TRIOBP: variants seen among roughly 807,000 people sequenced by gnomAD.
TRIOBP encodes the protein TRIO and F-actin binding protein, also known as TRIO and F-actin-binding protein.
A neutral mutation model predicts 238.8 loss-of-function variants in TRIOBP; 169 were observed. The observed-to-expected ratio is 0.71, with a 90% CI of 0.62 to 0.80. The LOEUF (loss-of-function observed/expected upper bound fraction) is 0.80, where lower values mean the gene tolerates loss of function less well. TRIOBP is among the 30% of genes least tolerant of loss of function. The pLI is 0.00. For synonymous variants in TRIOBP, 1,150 were observed against 1,274.4 expected (o/e 0.90, Z 2.08); for missense variants, 2,838 against 3,122.6 (o/e 0.91, Z 2.17).
intron 14 of TRIOBP, 110 bp downstream of exon 14, chr22:37,755,300 C>G: frequency 1.1e-5 from 13 of 1,186,794 alleles, no homozygotes; most frequent in Non-Finnish European, 1.6e-5. Flanking sequence ...TCCCTTCACT[C>G]ATTTACCCAG....
chr22:37,741,855 T>C (rs1354096553), intron 11 of TRIOBP, among the ~76,000 whole-genome samples: 2 of 152,218 alleles, frequency 1.3e-5, no homozygotes. Flanking sequence ...TAGGAAAAAG[T>C]CTGTGGAGAC....
Position 37,755,096 on chromosome 22 carries a change from T to C in TRIOBP, c.5488-5T>C. 1 of 1,613,450 alleles carries C rather than the reference T, an allele frequency of 6.2e-7. No homozygotes were observed. Among genetic ancestry groups the C allele is most frequent in the Admixed American group, 1.7e-5 (1 of 59,948 alleles). ...CACGGACCATAGTGGGCCCTCTTGC[T>C]CCAGGCAGATGAGCTGGATGGTGAG... On this transcript the variant is annotated splice_polypyrimidine_tract_variant and splice_region_variant and intron_variant, in intron 13 of 23. Coordinates refer to ENST00000644935, the MANE Select transcript of TRIOBP (RefSeq NM_001039141.3).
chr22:37,743,532 C>A (rs1453003939), intron 11 of TRIOBP, among the ~76,000 whole-genome samples: 1 of 152,176 alleles, frequency 6.6e-6, no homozygotes, highest in African/African-American at 2.4e-5. Flanking sequence ...GTGCTGTGGG[C>A]TTAGGCCCTA....
intron 18 of TRIOBP, among the ~76,000 whole-genome samples, chr22:37,767,316 G>A (rs1460551721): frequency 3.9e-5 from 5 of 127,870 alleles, no homozygotes; most frequent in African/African-American, 9.1e-5. Context: ...AAAAAAAAAA[G>A]AAAGAAAAAA....
chr22:37,731,620 C>T (rs13058068), intron 7 of TRIOBP, among the ~76,000 whole-genome samples: 36,870 of 151,788 alleles, frequency 0.24, 5,396 homozygotes, highest in South Asian at 0.41. Flanking sequence ...CCACGCCTGG[C>T]TAAGTTTTGT....
At chr22:37,765,568 A>G (rs1926443507) in intron 17 of TRIOBP, 102 bp from the exon 18 acceptor site, 1 of 1,473,510 alleles carries the variant, frequency 6.8e-7, no homozygotes, top group South Asian at 1.2e-5. Flanking sequence ...ACCCAGGAGG[A>G]GGTGGTGTAC....
chr22:37,713,325 G>T lies in TRIOBP; in HGVS notation c.370G>T (p.Gly124Cys). ...GGAGGGCCTGACCACTTCCTTGTGT[G>T]GCAGCTGCAACGAGGACCCCGGCTC... ...YLEGLTTSLC[G>C]SCNEDPGSDP... The change falls in exon 5 of 24, where the codon GGC (glycine) becomes TGC (cysteine). Residue 124 changes from glycine to cysteine, a missense_variant. Gly to Cys is a radical substitution (Grantham distance 159). Coordinates refer to ENST00000644935, the MANE Select transcript of TRIOBP (RefSeq NM_001039141.3). The T allele has an allele frequency of 6.2e-7, 1 of 1,614,040 alleles. No individual in the cohort carries two copies. Among genetic ancestry groups the T allele is most frequent in the Non-Finnish European group, 8.5e-7 (1 of 1,179,956 alleles).
At chr22:37,726,624 G>A in intron 7 of TRIOBP, 121 bp downstream of exon 7, 1 of 1,071,836 alleles carries the variant, frequency 9.3e-7, no homozygotes, top group Non-Finnish European at 1.3e-6. Flanking sequence ...TTTACCGGCT[G>A]TGTGACCTTG....
chr22:37,772,010 G>A (rs1483598694), intron 22 of TRIOBP: 15 of 512,834 alleles, frequency 2.9e-5, no homozygotes, highest in Non-Finnish European at 4.8e-5. Flanking sequence ...TATATCCTGG[G>A]CACTGTGCTA....
rs1925620351 is a variant in TRIOBP, at chr22:37,751,787, T to G, written c.5338T>G (p.Phe1780Val). The G allele has an allele frequency of 6.2e-7, 1 of 1,613,952 alleles. No homozygotes were observed. Among genetic ancestry groups the G allele is most frequent in the African/African-American group, 1.3e-5 (1 of 74,886 alleles). Reference sequence around the variant, plus strand: ...CTCCCCACAGCCCGATCTGCTCAACTTCAAGAAGGGATGGATGTCGATCTT... The same window carrying G: ...CTCCCCACAGCCCGATCTGCTCAACGTCAAGAAGGGATGGATGTCGATCTT... ...LRWRRPDLLNFKKGWMSILDE... is the reference protein window; with the variant it reads ...LRWRRPDLLNVKKGWMSILDE... Residue 1780 changes from phenylalanine to valine, a missense_variant, in exon 12 of 24, where the codon TTC (phenylalanine) becomes GTC (valine). By Grantham distance (50) the Phe-to-Val change is conservative (BLOSUM62 -1). Coordinates refer to ENST00000644935, the MANE Select transcript of TRIOBP (RefSeq NM_001039141.3).
At position 37,757,926 on chromosome 22, in the gene TRIOBP, C is replaced by T. The variant is rs1926026558; in HGVS notation, c.6001C>T (p.Pro2001Ser). The change falls in exon 16 of 24, where the codon CCT becomes TCT. Residue 2001 changes from proline (P) to serine (S), a missense_variant. Transcript: ENST00000644935. ...EATDSRTPEV[P>S]AGEGPRRGLG... is the part of the protein sequence containing the mutation. ...CACAGACAGCAGGACCCCAGAGGTGCCTGCTGGTGAGGGGCCGCGCCGGGG... is the reference window on the plus strand; with the variant it reads ...CACAGACAGCAGGACCCCAGAGGTGTCTGCTGGTGAGGGGCCGCGCCGGGG... 1 of 1,554,930 alleles carries T rather than the reference C, an allele frequency of 6.4e-7. No homozygotes were observed. The highest frequency in any genetic ancestry group is 1.9e-5 in the Admixed American group (1 of 51,330).
intron 17 of TRIOBP, among the ~76,000 whole-genome samples, chr22:37,762,152 C>T (rs920582796): frequency 3.9e-5 from 6 of 152,190 alleles, no homozygotes; most frequent in African/African-American, 1.2e-4. Context: ...ACTGCAGCCT[C>T]GAACTCTAGG....
intron 11 of TRIOBP, chr22:37,750,578 C>T (rs4821704): frequency 0.4 from 184,124 of 464,016 alleles, 38,769 homozygotes; most frequent in East Asian, 0.61. Context: ...TACAGAGCAG[C>T]GGGACAAACG....
rs200493962 is a variant in TRIOBP, at chr22:37,740,934, C to T, written c.5224C>T (p.Leu1742Phe). The T allele has an allele frequency of 1.2e-3, 1,879 of 1,571,342 alleles. 2 individuals are homozygous for T. Among genetic ancestry groups the T allele is most frequent in the Middle Eastern group, 3.2e-3 (19 of 6,012 alleles). ...RPAEGKAGSP[L>F]KGRLVTSWRM... is the part of the protein sequence containing the mutation. Reference sequence around the variant, plus strand: ...AGCAGAGGGCAAGGCTGGGAGCCCGCTCAAGGGCCGACTGGTGACCTCATG... The same window carrying T: ...AGCAGAGGGCAAGGCTGGGAGCCCGTTCAAGGGCCGACTGGTGACCTCATG... The change falls in exon 11 of 24, where the codon CTC becomes TTC. Residue 1742 changes from leucine (L) to phenylalanine (F), a missense_variant. Leu to Phe is a conservative substitution (Grantham distance 22). Transcript: ENST00000644935.
chr22:37,750,995 G>T (rs1315475341), intron 11 of TRIOBP: 1 of 373,912 alleles, frequency 2.7e-6, no homozygotes, highest in East Asian at 7.4e-5. Context: ...GAGGGACCGG[G>T]ACTTAGATGA....
In TRIOBP at chr22:37,723,246, G is replaced by A. The variant is rs1355727067; in HGVS notation, c.690G>A (p.Gly230=). 2.5e-6 allele frequency: 4 copies of A among 1,613,936 alleles called. No individual in the cohort carries two copies. The highest frequency in any genetic ancestry group is 1.3e-5 in the African/African-American group (1 of 74,902). The change falls in exon 7 of 24, where the codon GGG becomes GGA. Residue 230 remains glycine (G), a synonymous_variant. Transcript: ENST00000644935. ...QHWARLRGES[G]LSLERHRSTL... is the part of the protein sequence containing the mutation. Reference sequence around the variant, plus strand: ...GGGCAAGGCTCCGGGGAGAAAGCGGGTTGTCCCTGGAGCGGCACCGGTCAA... The same window carrying A: ...GGGCAAGGCTCCGGGGAGAAAGCGGATTGTCCCTGGAGCGGCACCGGTCAA...
intron 11 of TRIOBP, among the ~76,000 whole-genome samples, chr22:37,742,331 C>T (rs1167465520): frequency 5.4e-5 from 8 of 148,350 alleles, no homozygotes; most frequent in Admixed American, 1.4e-4. Context: ...GGCACCATCT[C>T]GGCTCACTGC....
At chr22:37,752,621 A>G (rs755088144) in intron 12 of TRIOBP, among the ~76,000 whole-genome samples, 2 of 152,112 alleles carry the variant, frequency 1.3e-5, no homozygotes, top group African/African-American at 2.4e-5. Flanking sequence ...TCCGGCCCAC[A>G]TGTTTTATTC....
At chr22:37,704,080 G>A (rs1240068471) in intron 3 of TRIOBP, among the ~76,000 whole-genome samples, 1 of 152,090 alleles carries the variant, frequency 6.6e-6, no homozygotes, top group Non-Finnish European at 1.5e-5. Context: ...CTAGATGATG[G>A]GGAAATCATG....
Sources: allele counts gnomAD v4.1 joint callset (sites outside exome capture counted in the v4.1 genomes callset), GRCh38; gene constraint gnomAD v4.1.1; transcripts MANE v1.5; gene names NCBI Gene and HGNC (gene_info 2026-07-23, HGNC 2026-07-21).